The following THOC2 variants were observed in gnomAD, a reference collection of about 807,000 sequenced individuals.
The protein encoded by THOC2 is THO complex 2.
A neutral mutation model predicts 128.4 loss-of-function variants in THOC2; 10 were observed. That is an observed-to-expected ratio of 0.08 (90% CI 0.05 to 0.13). THOC2 has a LOEUF of 0.13. Ranked by LOEUF, THOC2 falls within the 10% of genes least tolerant of loss-of-function variation. THOC2 has a pLI of 1.00. For synonymous variants in THOC2, 393 were observed against 396.9 expected (o/e 0.99, Z 0.12); for missense variants, 535 against 1,155.7 (o/e 0.46, Z 7.79).
chrX:123,643,438 G>A (rs1458431300), intron 15 of THOC2, among the ~76,000 whole-genome samples: 3 of 111,600 alleles, frequency 2.7e-5, no homozygotes, highest in African/African-American at 9.8e-5. Flanking sequence ...ATGAATTCAA[G>A]GTATTTAAAA....
chrX:123,621,118 T>G, intron 31 of THOC2, 39 bp downstream of exon 31: 1 of 1,176,889 alleles, frequency 8.5e-7, no homozygotes, highest in Non-Finnish European at 1.1e-6. Flanking sequence ...TACATTAAAA[T>G]AACAAAACGT....
chrX:123,697,438 G>A (rs987600787), intron 5 of THOC2, among the ~76,000 whole-genome samples: 1 of 112,076 alleles, frequency 8.9e-6, no homozygotes, highest in Non-Finnish European at 1.9e-5. Context: ...GAACTTACTA[G>A]GTCAGGAATA....
intron 33 of THOC2, among the ~76,000 whole-genome samples, chrX:123,615,889 T>C (rs1253232616): frequency 1.8e-5 from 2 of 111,145 alleles, no homozygotes; most frequent in Non-Finnish European, 3.8e-5. Flanking sequence ...GATCAAATAC[T>C]CTTTTGCATA....
At chrX:123,613,940 CAT>C in intron 34 of THOC2, 110 bp downstream of exon 34, 1 of 816,111 alleles carries the variant, frequency 1.2e-6, no homozygotes, top group Admixed American at 3.1e-5. Flanking sequence ...TCAATAAAAT[CAT>C]GAAATAACAG....
At chrX:123,732,057 A>C (rs2052287732) in intron 1 of THOC2, among the ~76,000 whole-genome samples, 1 of 110,415 alleles carries the variant, frequency 9.1e-6, no homozygotes, top group South Asian at 4.0e-4. Flanking sequence ...TTCCAGGGGA[A>C]GGGGAGGAGG....
chrX:123,634,308 C>A (rs2047592679), intron 19 of THOC2, among the ~76,000 whole-genome samples: 1 of 111,331 alleles, frequency 9.0e-6, no homozygotes, highest in Non-Finnish European at 1.9e-5. Context: ...GGAAAAATAA[C>A]AATAGTACAA....
At chrX:123,667,071 T>C in intron 11 of THOC2, 35 bp downstream of exon 11, 1 of 1,032,295 alleles carries the variant, frequency 9.7e-7, no homozygotes, top group Non-Finnish European at 1.3e-6. Context: ...AAGCTATTTC[T>C]ACCTCAATGA....
intron 10 of THOC2, among the ~76,000 whole-genome samples, 186 bp from the exon 11 acceptor site, chrX:123,667,464 C>T (rs997548881): frequency 1.8e-5 from 2 of 111,754 alleles, no homozygotes; most frequent in Admixed American, 9.6e-5. Flanking sequence ...CAGGGCCAGG[C>T]GCAGCGGCTC....
At chrX:123,703,722 T>G in intron 3 of THOC2, among the ~76,000 whole-genome samples, 1 of 49,471 alleles carries the variant, frequency 2.0e-5, no homozygotes. Flanking sequence ...ACCCCATCTC[T>G]ACCAAAAAAA....
chrX:123,607,776 C>T (rs1177384410), intron 38 of THOC2, among the ~76,000 whole-genome samples: 1 of 110,519 alleles, frequency 9.0e-6, no homozygotes, highest in Admixed American at 9.7e-5. Context: ...TATGTAAGAG[C>T]TGTCCTTTCT....
At chrX:123,649,677 G>A (rs371751544) in intron 12 of THOC2, among the ~76,000 whole-genome samples, 3 of 110,120 alleles carry the variant, frequency 2.7e-5, no homozygotes, top group East Asian at 5.8e-4. Context: ...ATCAATAGCC[G>A]AATCGACCAA....
intron 7 of THOC2, among the ~76,000 whole-genome samples, chrX:123,692,127 A>T (rs2050245348): frequency 8.9e-6 from 1 of 111,911 alleles, no homozygotes; most frequent in Admixed American, 9.5e-5. Flanking sequence ...TATATATTTA[A>T]AGTGTACAGC....
intron 7 of THOC2, among the ~76,000 whole-genome samples, chrX:123,689,978 A>G (rs2050152577): frequency 9.0e-6 from 1 of 110,832 alleles, no homozygotes; most frequent in Admixed American, 9.7e-5. Flanking sequence ...ACACACAGCA[A>G]TTTATATATA....
chrX:123,603,363 C>T (rs1249514270), intron 38 of THOC2: 3 of 284,237 alleles, frequency 1.1e-5, no homozygotes, highest in Non-Finnish European at 6.1e-6. Flanking sequence ...AGTTCACACA[C>T]AAAGACGGCC....
Position 123,670,180 on chromosome X carries a change from A to C in THOC2, c.861+1489T>G, listed in dbSNP as rs1047035120. On this transcript the variant is annotated intron_variant, in intron 9 of 38. Transcript: ENST00000245838. ...ATATGGCTCTCCACTCCCAAGAGAA[A>C]AATCCAGATTCCTTACTATGTCACT... Among the ~76,000 whole-genome samples, 7 of 112,399 alleles carry C rather than the reference A, an allele frequency of 6.2e-5. No homozygotes were observed. In the Admixed American group the frequency reaches 6.6e-4, roughly 11 times the overall value.
intron 1 of THOC2, among the ~76,000 whole-genome samples, chrX:123,717,698 A>AG (rs1412916261): frequency 9.1e-6 from 1 of 109,388 alleles, no homozygotes; most frequent in Non-Finnish European, 1.9e-5. Flanking sequence ...GGAACCAAAA[A>AG]AAAAAAAAAA....
intron 23 of THOC2, among the ~76,000 whole-genome samples, 192 bp from the exon 24 acceptor site, chrX:123,626,854 C>G (rs912484445): frequency 8.9e-6 from 1 of 111,945 alleles, no homozygotes; most frequent in African/African-American, 3.2e-5. Context: ...CATACACCAT[C>G]AGAACAGGCT....
intron 1 of THOC2, among the ~76,000 whole-genome samples, chrX:123,719,350 G>A (rs1217655034): frequency 9.0e-6 from 1 of 110,938 alleles, no homozygotes; most frequent in East Asian, 2.8e-4. Context: ...CCTCACACCT[G>A]TCAGAATGGC....
intron 12 of THOC2, among the ~76,000 whole-genome samples, chrX:123,661,755 G>C (rs1298835741): frequency 1.8e-5 from 2 of 111,712 alleles, no homozygotes; most frequent in African/African-American, 3.2e-5. Context: ...TTTCTTTAGA[G>C]TACCTTTACA....
Sources: allele counts gnomAD v4.1 joint callset (sites outside exome capture counted in the v4.1 genomes callset), GRCh38; gene constraint gnomAD v4.1.1; transcripts MANE v1.5; gene names NCBI Gene and HGNC (gene_info 2026-07-23, HGNC 2026-07-21).